SLC4A7: variants seen among roughly 807,000 people sequenced by gnomAD.
SLC4A7 encodes solute carrier family 4 member 7.
A neutral mutation model predicts 137.6 loss-of-function variants in SLC4A7; 51 were observed. That is an observed-to-expected ratio of 0.37 (90% CI 0.30 to 0.47). The LOEUF is 0.47. SLC4A7 is among the 20% of genes least tolerant of loss of function. The probability of loss-of-function intolerance (pLI) is 1.00; values close to 1 mark genes in which losing one functional copy is unlikely to be tolerated. For synonymous variants in SLC4A7, 542 were observed against 518.6 expected (o/e 1.05, Z -0.61); for missense variants, 1,247 against 1,525.4 (o/e 0.82, Z 3.04).
intron 21 of SLC4A7, among the ~76,000 whole-genome samples, chr3:27,391,256 T>C (rs545126966): frequency 2.6e-5 from 4 of 152,332 alleles, no homozygotes; most frequent in African/African-American, 9.6e-5. Context: ...AGTCCTTCTA[T>C]TTCTGTTTCC....
At chr3:27,405,620 A>T (rs920601766) in intron 13 of SLC4A7, among the ~76,000 whole-genome samples, 6 of 152,230 alleles carry the variant, frequency 3.9e-5, no homozygotes, top group African/African-American at 1.4e-4. Context: ...AGATCTTTCG[A>T]ATAGGTGATA....
intron 1 of SLC4A7, among the ~76,000 whole-genome samples, chr3:27,464,722 G>T (rs796125658): frequency 6.6e-6 from 1 of 151,866 alleles, no homozygotes; most frequent in Non-Finnish European, 1.5e-5. Flanking sequence ...CCAGCCCAGC[G>T]CGGTCGCTAA....
intron 7 of SLC4A7, among the ~76,000 whole-genome samples, chr3:27,426,933 C>T (rs754079323): frequency 6.6e-6 from 1 of 152,160 alleles, no homozygotes; most frequent in Non-Finnish European, 1.5e-5. Flanking sequence ...GACTATATTA[C>T]TTTGCTTTAA....
intron 12 of SLC4A7, among the ~76,000 whole-genome samples, chr3:27,411,336 T>A (rs1480196910): frequency 2.6e-5 from 4 of 152,052 alleles, no homozygotes; most frequent in Admixed American, 2.6e-4. Context: ...ATAATAAGAC[T>A]CTACACCTTC....
rs748111235 is a variant in SLC4A7 at position 27,394,924 on chromosome 3, A to G, written c.2865+30T>C. 12 of 1,567,954 alleles carry G rather than the reference A, an allele frequency of 7.7e-6. No homozygotes were observed. The Admixed American group carries it at 1.7e-4, about 23-fold the overall frequency. On this transcript the variant is annotated intron_variant, in intron 19 of 25. Transcript: ENST00000454389. ...AAACAGCTCAAACCCTTGAAGAATC[A>G]CAATGCTTAAGGCAAAATTCTAAAA...
At chr3:27,444,834 T>C (rs1203720663) in intron 3 of SLC4A7, among the ~76,000 whole-genome samples, 1 of 152,232 alleles carries the variant, frequency 6.6e-6, no homozygotes, top group Non-Finnish European at 1.5e-5. Context: ...TGCTTCTTTA[T>C]ATCCCTGATA....
rs201986926 is a variant in SLC4A7, at chr3:27,391,821, T to C, written c.3118-13A>G. 7.1e-5 allele frequency: 108 copies of C among 1,514,388 alleles called. 1 individual carries two copies. Among genetic ancestry groups the C allele is most frequent in the South Asian group, 1.1e-4 (9 of 85,004 alleles). The allele number at this position is 1,514,388 out of a possible 1,614,324, so 93.8% of individuals were successfully genotyped here. On this transcript the variant is annotated splice_polypyrimidine_tract_variant and intron_variant, in intron 20 of 25. Transcript: ENST00000454389. Reference sequence around the variant, plus strand: ...GCATTGGAATAAACTGTAAATAAAATGAACACAATTAGAACTCATGAGTAG... The same window carrying C: ...GCATTGGAATAAACTGTAAATAAAACGAACACAATTAGAACTCATGAGTAG...
rs933044709 is a variant in SLC4A7, at chr3:27,373,592, A to C, written c.*3172T>G. 7 of 152,172 alleles carry C rather than the reference A, an allele frequency of 4.6e-5. No individual in the cohort carries two copies. Among genetic ancestry groups the C allele is most frequent in the Admixed American group, 2.0e-4 (3 of 15,276 alleles). The allele number at this position is 152,172 out of a possible 1,614,324, so 9.4% of individuals were successfully genotyped here. A position where few individuals can be genotyped will look rare whatever the true frequency, so the allele number is the denominator to read the frequency against. On this transcript the variant is annotated 3_prime_UTR_variant, in exon 26 of 26. Coordinates refer to ENST00000454389, the MANE Select transcript of SLC4A7 (RefSeq NM_001321103.2). Reference sequence around the variant, plus strand: ...ACAGGATTCACATGTTAAACTGCTGAGCACATTTATAGAACTGATGTACAT... The same window carrying C: ...ACAGGATTCACATGTTAAACTGCTGCGCACATTTATAGAACTGATGTACAT...
At chr3:27,442,129 GC>G (rs1224146063) in intron 3 of SLC4A7, among the ~76,000 whole-genome samples, 1 of 151,690 alleles carries the variant, frequency 6.6e-6, no homozygotes, top group Non-Finnish European at 1.5e-5. Flanking sequence ...CAGGTGATCT[GC>G]CTGCCTCAGC....
intron 1 of SLC4A7, among the ~76,000 whole-genome samples, chr3:27,474,226 ATAAG>A (rs1399562476): frequency 1.3e-5 from 2 of 152,176 alleles, no homozygotes; most frequent in Non-Finnish European, 2.9e-5. Context: ...CAGAGAATAA[ATAAG>A]TGAGATAACA....
Position 27,445,620 on chromosome 3 carries a change from TTAA to T in SLC4A7, c.289+3028_289+3030del, listed in dbSNP as rs142364609. Among the ~76,000 whole-genome samples the T allele has an allele frequency of 9.1e-3, 1,377 of 151,754 alleles. 20 individuals are homozygous for T. The highest frequency in any genetic ancestry group is 0.064 in the East Asian group (332 of 5,166). On this transcript the variant is annotated intron_variant, in intron 3 of 25. Coordinates refer to ENST00000454389, the MANE Select transcript of SLC4A7 (RefSeq NM_001321103.2). ...ATAACGTACAACATGATGACTATAGTTAATAATATTGTAATGGCTGGGCGCAGC... is the reference window on the plus strand; with the variant it reads ...ATAACGTACAACATGATGACTATAGTTAATATTGTAATGGCTGGGCGCAGC...
Position 27,392,586 on chromosome 3 carries a change from G to A in SLC4A7, c.3118-778C>T, listed in dbSNP as rs2051682449. ...AATGCCTGTAATCTCAGCATTTCGG[G>A]AGGCTGAGGCGGGCAGATCACTTGC... On this transcript the variant is annotated intron_variant, in intron 20 of 25. Transcript: ENST00000454389. Among the ~76,000 whole-genome samples, 3 of 152,152 alleles carry A rather than the reference G, an allele frequency of 2.0e-5. No individual in the cohort carries two copies. In the South Asian group the frequency reaches 6.2e-4, roughly 32 times the overall value.
In SLC4A7 at chr3:27,448,824, C is replaced by A. The variant is rs1481667374; in HGVS notation, c.143-27G>T. On this transcript the variant is annotated intron_variant, in intron 2 of 25. Coordinates refer to ENST00000454389, the MANE Select transcript of SLC4A7 (RefSeq NM_001321103.2). ...TATTAAAAGGTTCAGAAACATATTA[C>A]TAGCTTTCCAAAAGAGAAAAAAGTG... 5 of 1,533,208 alleles carry A rather than the reference C, an allele frequency of 3.3e-6. No individual in the cohort carries two copies. In the Admixed American group the frequency reaches 8.5e-5, roughly 26 times the overall value. The allele number at this position is 1,533,208 out of a possible 1,614,324, so 95.0% of individuals were successfully genotyped here. A position where few individuals can be genotyped will look rare whatever the true frequency, so the allele number is the denominator to read the frequency against.
At chr3:27,448,511 C>T in intron 3 of SLC4A7, 140 bp downstream of exon 3, 1 of 535,768 alleles carries the variant, frequency 1.9e-6, no homozygotes, top group Non-Finnish European at 3.1e-6. Context: ...ATTGATATTC[C>T]CCAATACAAT....
intron 9 of SLC4A7, among the ~76,000 whole-genome samples, chr3:27,421,006 C>A (rs2054910758): frequency 6.6e-6 from 1 of 151,932 alleles, no homozygotes; most frequent in Non-Finnish European, 1.5e-5. Flanking sequence ...ACCAAATCAA[C>A]CTTCTACCAA....
chr3:27,393,381 A>T (rs529837405), intron 20 of SLC4A7, among the ~76,000 whole-genome samples: 1 of 152,354 alleles, frequency 6.6e-6, no homozygotes, highest in South Asian at 2.1e-4. Context: ...TGAATATCTA[A>T]CTATGGATCA....
At chr3:27,381,928 A>C (rs2050459321) in intron 24 of SLC4A7, among the ~76,000 whole-genome samples, 1 of 152,092 alleles carries the variant, frequency 6.6e-6, no homozygotes, top group Non-Finnish European at 1.5e-5. Flanking sequence ...ATCTCTACTG[A>C]AAGTACAGAA....
intron 18 of SLC4A7, among the ~76,000 whole-genome samples, chr3:27,396,576 T>C (rs979493576): frequency 3.9e-5 from 6 of 152,114 alleles, no homozygotes; most frequent in African/African-American, 1.4e-4. Flanking sequence ...TCCACCTGTG[T>C]ACCCTACTTT....
In SLC4A7 at chr3:27,464,921, C is replaced by T. The variant is rs144561249; in HGVS notation, c.61-12423G>A. 4.8e-3 allele frequency among the ~76,000 whole-genome samples: 729 copies of T among 152,258 alleles called. 13 individuals are homozygous for T. The highest frequency in any genetic ancestry group is 0.017 in the African/African-American group (697 of 41,542). Reference sequence around the variant, plus strand: ...ATGGACAGCCTGTTAGCCAGGACTCCATTTCACTTTGCTGTGTTGTTCTTT... The same window carrying T: ...ATGGACAGCCTGTTAGCCAGGACTCTATTTCACTTTGCTGTGTTGTTCTTT... On this transcript the variant is annotated intron_variant, in intron 1 of 25. Transcript: ENST00000454389.
Sources: gnomAD v4.1 joint callset for allele counts (sites outside exome capture counted in the v4.1 genomes callset) on GRCh38, gnomAD v4.1.1 for gene constraint, MANE v1.5 for transcripts, NCBI Gene and HGNC (gene_info 2026-07-23, HGNC 2026-07-21) for gene names.